The following CNTNAP2 variants were observed in gnomAD, a reference collection of about 807,000 sequenced individuals.
The protein encoded by CNTNAP2 is contactin-associated protein-like 2.
In CNTNAP2, 98 loss-of-function variants were observed where a neutral mutation model predicts 155.2. That is an observed-to-expected ratio of 0.63 (90% CI 0.54 to 0.75). The LOEUF (loss-of-function observed/expected upper bound fraction) is 0.75, where lower values mean the gene tolerates loss of function less well. Among genes scored for constraint, CNTNAP2 ranks in the 30% least tolerant of loss-of-function variants. The pLI, the probability that CNTNAP2 is intolerant of heterozygous loss-of-function variation, is 0.00. For missense variants in CNTNAP2, 1,727 were observed against 1,688.1 expected, an observed-to-expected ratio of 1.02 and a Z score of -0.40; for synonymous variants, 651 against 631.2, an observed-to-expected ratio of 1.03 and a Z score of -0.47.
chr7:146,962,830 A>G (rs1797582318), intron 3 of CNTNAP2: 1 of 152,298 alleles, frequency 6.6e-6, no homozygotes, highest in South Asian at 2.1e-4. Flanking sequence ...GCATTACAGC[A>G]TGAGCCATCG....
chr7:148,223,788 T>A (rs1795792537), intron 19 of CNTNAP2, among the ~76,000 whole-genome samples: 1 of 152,062 alleles, frequency 6.6e-6, no homozygotes, highest in Non-Finnish European at 1.5e-5. Context: ...GAATTTAAAA[T>A]CATATTTACA....
Position 147,914,717 on chromosome 7 carries a change from T to C in CNTNAP2, c.2255+10996T>C, listed in dbSNP as rs528162759. ...GGCACAAACCACCACATCTAGCTAA[T>C]TTTTTGTATTTTTTGTAGAGATGGG... is the stretch of plus-strand genomic sequence containing the variant. On this transcript the variant is annotated intron_variant, in intron 14 of 23. Transcript: ENST00000361727. Among the ~76,000 whole-genome samples, 276 of 152,112 alleles carry C rather than the reference T, an allele frequency of 1.8e-3. 1 individual carries two copies. The highest frequency in any genetic ancestry group is 6.0e-3 in the African/African-American group (251 of 41,506).
chr7:146,855,004 A>G (rs1390380999), intron 3 of CNTNAP2, among the ~76,000 whole-genome samples: 1 of 152,204 alleles, frequency 6.6e-6, no homozygotes, highest in East Asian at 1.9e-4. Context: ...ATATCTACCA[A>G]TTAAAATTGA....
intron 9 of CNTNAP2, among the ~76,000 whole-genome samples, chr7:147,332,749 C>A (rs1298261730): frequency 1.3e-5 from 2 of 152,054 alleles, no homozygotes; most frequent in African/African-American, 4.8e-5. Context: ...GTAATCCCAG[C>A]TACTCGGGAG....
At chr7:147,362,405 G>A (rs1796161349) in intron 9 of CNTNAP2, among the ~76,000 whole-genome samples, 1 of 152,074 alleles carries the variant, frequency 6.6e-6, no homozygotes, top group Non-Finnish European at 1.5e-5. Context: ...AAAGTGCTCG[G>A]ATTACAGGCA....
At chr7:148,293,961 G>C (rs764018818) in intron 21 of CNTNAP2, among the ~76,000 whole-genome samples, 3 of 144,292 alleles carry the variant, frequency 2.1e-5, no homozygotes, top group Non-Finnish European at 3.0e-5. Context: ...CTTGAACCCG[G>C]GAGGCAGAGG....
At chr7:146,711,996 T>A (rs1192729813) in intron 1 of CNTNAP2, among the ~76,000 whole-genome samples, 1 of 32,712 alleles carries the variant, frequency 3.1e-5, no homozygotes, top group Non-Finnish European at 4.5e-5. Flanking sequence ...AGTATACACA[T>A]CTTATGTATA....
intron 12 of CNTNAP2, among the ~76,000 whole-genome samples, chr7:147,590,696 G>A (rs1007695553): frequency 1.3e-5 from 2 of 152,100 alleles, no homozygotes; most frequent in African/African-American, 4.8e-5. Flanking sequence ...ATCAGAAGAG[G>A]CAGAACATAG....
chr7:148,306,250 A>C (rs960445620), intron 21 of CNTNAP2, among the ~76,000 whole-genome samples: 3 of 151,988 alleles, frequency 2.0e-5, no homozygotes, highest in Non-Finnish European at 4.4e-5. Context: ...TTAGGTTCTT[A>C]TTCTTCTTTG....
At chr7:147,137,082 C>G (rs142357563) in intron 8 of CNTNAP2, among the ~76,000 whole-genome samples, 1 of 151,438 alleles carries the variant, frequency 6.6e-6, no homozygotes, top group African/African-American at 2.4e-5. Context: ...TTTTCTGATT[C>G]TAAGAAAATA....
At chr7:147,781,889 G>A (rs1232277258) in intron 13 of CNTNAP2, among the ~76,000 whole-genome samples, 4 of 152,110 alleles carry the variant, frequency 2.6e-5, no homozygotes, top group African/African-American at 4.8e-5. Flanking sequence ...TGGGCGTGGC[G>A]GCGGGCGCCT....
intron 1 of CNTNAP2, among the ~76,000 whole-genome samples, chr7:146,324,319 C>T (rs1801059110): frequency 6.6e-6 from 1 of 152,056 alleles, no homozygotes; most frequent in African/African-American, 2.4e-5. Context: ...CCTAAGAGGT[C>T]TGAAACCTAA....
intron 1 of CNTNAP2, among the ~76,000 whole-genome samples, chr7:146,458,363 A>C (rs1417289347): frequency 6.6e-6 from 1 of 152,204 alleles, no homozygotes; most frequent in Non-Finnish European, 1.5e-5. Flanking sequence ...TATCTAATTA[A>C]TTTCATTTAA....
At chr7:146,776,249 C>T (rs150350236) in intron 2 of CNTNAP2, among the ~76,000 whole-genome samples, 56 of 152,136 alleles carry the variant, frequency 3.7e-4, no homozygotes, top group Non-Finnish European at 4.0e-4. Flanking sequence ...GCCATAATGC[C>T]GAGAGACATA....
At chr7:146,743,551 A>G (rs1044853665) in intron 1 of CNTNAP2, among the ~76,000 whole-genome samples, 1 of 150,638 alleles carries the variant, frequency 6.6e-6, no homozygotes. Flanking sequence ...TCACTCTTCT[A>G]TGCACTCCTG....
chr7:146,684,892 C>A (rs1038480640), intron 1 of CNTNAP2, among the ~76,000 whole-genome samples: 1 of 151,990 alleles, frequency 6.6e-6, no homozygotes, highest in Non-Finnish European at 1.5e-5. Flanking sequence ...GAGCTGTAAG[C>A]CATGGATTTG....
At chr7:148,092,879 TAAAAAA>T (rs11321148) in intron 15 of CNTNAP2, among the ~76,000 whole-genome samples, 5 of 122,724 alleles carry the variant, frequency 4.1e-5, no homozygotes, top group South Asian at 2.6e-4. Context: ...AGTCTCAATT[TAAAAAA>T]AAAAAAAAAA....
intron 11 of CNTNAP2, among the ~76,000 whole-genome samples, chr7:147,502,940 G>A (rs1352988201): frequency 6.6e-6 from 1 of 152,126 alleles, no homozygotes; most frequent in Non-Finnish European, 1.5e-5. Flanking sequence ...GTGTAGAAAA[G>A]CAATAGTTGA....
intron 1 of CNTNAP2, among the ~76,000 whole-genome samples, chr7:146,379,172 A>G (rs1186085341): frequency 6.6e-6 from 1 of 152,238 alleles, no homozygotes; most frequent in Non-Finnish European, 1.5e-5. Context: ...GATTTTCTGC[A>G]GAATGGGTGC....
Sources: gnomAD v4.1 joint callset for allele counts (sites outside exome capture counted in the v4.1 genomes callset) on GRCh38, gnomAD v4.1.1 for gene constraint, MANE v1.5 for transcripts, NCBI Gene and HGNC (gene_info 2026-07-23, HGNC 2026-07-21) for gene names.